SNTG2: variants seen among roughly 807,000 people sequenced by gnomAD.
SNTG2 encodes gamma-2-syntrophin.
In SNTG2, 74 loss-of-function variants were observed where a neutral mutation model predicts 70.9. That is an observed-to-expected ratio of 1.04 (90% CI 0.86 to 1.27). The LOEUF (loss-of-function observed/expected upper bound fraction) is 1.27, where lower values mean the gene tolerates loss of function less well. SNTG2 is among the 50% of genes most tolerant of loss of function. The pLI is 0.00. For missense variants in SNTG2, 717 were observed against 690.7 expected, an observed-to-expected ratio of 1.04 and a Z score of -0.43; for synonymous variants, 278 against 273.8, an observed-to-expected ratio of 1.02 and a Z score of -0.15.
intron 1 of SNTG2, among the ~76,000 whole-genome samples, chr2:969,842 T>G (rs1660682160): frequency 6.6e-6 from 1 of 152,230 alleles, no homozygotes; most frequent in African/African-American, 2.4e-5. Flanking sequence ...TTCCTATTTG[T>G]ATGCCTTTTA....
chr2:1,117,769 G>A (rs1409493699), intron 4 of SNTG2, among the ~76,000 whole-genome samples: 1 of 152,196 alleles, frequency 6.6e-6, no homozygotes, highest in Non-Finnish European at 1.5e-5. Flanking sequence ...GGCTGCGCTG[G>A]CATCTTGCCA....
intron 1 of SNTG2, among the ~76,000 whole-genome samples, chr2:980,930 C>G (rs1661077906): frequency 6.6e-6 from 1 of 152,096 alleles, no homozygotes; most frequent in African/African-American, 2.4e-5. Context: ...TCATGACAGC[C>G]CAATTACCTA....
At chr2:1,334,097 A>C (rs1456617591) in intron 16 of SNTG2, among the ~76,000 whole-genome samples, 1 of 152,196 alleles carries the variant, frequency 6.6e-6, no homozygotes, top group Non-Finnish European at 1.5e-5. Context: ...AACCAGAAAG[A>C]AGAAAACAAA....
intron 6 of SNTG2, among the ~76,000 whole-genome samples, chr2:1,154,461 T>C (rs1357230892): frequency 6.6e-6 from 1 of 152,154 alleles, no homozygotes; most frequent in Non-Finnish European, 1.5e-5. Context: ...AAGTTCTACA[T>C]ATATGTTGAA....
At chr2:1,247,858 T>TA (rs1238545860) in intron 12 of SNTG2, among the ~76,000 whole-genome samples, 6 of 152,142 alleles carry the variant, frequency 3.9e-5, no homozygotes, top group Non-Finnish European at 8.8e-5. Context: ...AAGTTTTATT[T>TA]AAAAAATAAG....
At chr2:1,301,857 C>A (rs1680468199) in intron 14 of SNTG2, among the ~76,000 whole-genome samples, 1 of 151,848 alleles carries the variant, frequency 6.6e-6, no homozygotes, top group Non-Finnish European at 1.5e-5. Flanking sequence ...AAACAGAAAT[C>A]AAATGATGAA....
chr2:1,298,451 A>G (rs1426411919), intron 14 of SNTG2, among the ~76,000 whole-genome samples: 1 of 152,188 alleles, frequency 6.6e-6, no homozygotes, highest in Non-Finnish European at 1.5e-5. Context: ...TTAATTTAAA[A>G]TAATTAATAT....
At chr2:1,330,348 A>T (rs936176592) in intron 16 of SNTG2, among the ~76,000 whole-genome samples, 2 of 152,208 alleles carry the variant, frequency 1.3e-5, no homozygotes, top group Non-Finnish European at 2.9e-5. Context: ...GGTCTAAAGA[A>T]TTTCCATGCT....
chr2:957,534 A>G (rs796377735), intron 1 of SNTG2, among the ~76,000 whole-genome samples: 5 of 152,284 alleles, frequency 3.3e-5, no homozygotes, highest in African/African-American at 9.6e-5. Context: ...GCTGGAAGCT[A>G]AAGATAAAAA....
chr2:1,307,791 C>T (rs998897615), intron 14 of SNTG2, among the ~76,000 whole-genome samples: 4 of 152,236 alleles, frequency 2.6e-5, no homozygotes, highest in African/African-American at 7.2e-5. Context: ...CAGGTGTTCA[C>T]GGGCTCCGCA....
At chr2:1,123,434 G>A (rs1334543008) in intron 4 of SNTG2, among the ~76,000 whole-genome samples, 3 of 152,116 alleles carry the variant, frequency 2.0e-5, no homozygotes, top group Admixed American at 1.3e-4. Context: ...TTGGACTAAG[G>A]GCATCAGGAG....
chr2:1,330,475 G>A (rs2148283245), intron 16 of SNTG2, among the ~76,000 whole-genome samples: 1 of 152,236 alleles, frequency 6.6e-6, no homozygotes, highest in Non-Finnish European at 1.5e-5. Context: ...GGAAAGCCTG[G>A]TGTTCCTTTT....
At chr2:957,074 A>G (rs1660189151) in intron 1 of SNTG2, among the ~76,000 whole-genome samples, 1 of 152,134 alleles carries the variant, frequency 6.6e-6, no homozygotes, top group South Asian at 2.1e-4. Context: ...AGTTTTCTTT[A>G]TGTACTGAGA....
intron 8 of SNTG2, among the ~76,000 whole-genome samples, chr2:1,202,818 A>G (rs911654449): frequency 5.9e-5 from 9 of 152,316 alleles, no homozygotes; most frequent in Middle Eastern, 3.4e-3. Flanking sequence ...TTCCCAAGAG[A>G]AACATTTTAT....
chr2:1,316,123 C>A, intron 15 of SNTG2, 142 bp from the exon 16 acceptor site: 1 of 574,244 alleles, frequency 1.7e-6, no homozygotes, highest in Non-Finnish European at 3.1e-6. Context: ...TAGAGACAGA[C>A]AAATCATCAC....
At chr2:1,283,104 G>A (rs1328516450) in intron 14 of SNTG2, among the ~76,000 whole-genome samples, 1 of 152,160 alleles carries the variant, frequency 6.6e-6, no homozygotes, top group Non-Finnish European at 1.5e-5. Context: ...GGTTTGCAGA[G>A]CCTGGCTGCA....
chr2:1,331,904 C>A (rs372880255), intron 16 of SNTG2, among the ~76,000 whole-genome samples: 14 of 152,154 alleles, frequency 9.2e-5, no homozygotes, highest in Non-Finnish European at 1.0e-4. Context: ...CATGCCCTGG[C>A]GCGGTTTCCA....
chr2:1,132,796 ACCCT>A (rs1292852698), intron 4 of SNTG2, among the ~76,000 whole-genome samples: 1 of 151,836 alleles, frequency 6.6e-6, no homozygotes, highest in African/African-American at 2.4e-5. Context: ...ACGCCCACTC[ACCCT>A]CCCTCCAGTT....
chr2:1,199,768 A>T (rs1673164019), intron 8 of SNTG2, among the ~76,000 whole-genome samples: 1 of 152,064 alleles, frequency 6.6e-6, no homozygotes, highest in Admixed American at 6.5e-5. Flanking sequence ...AATCCCTTTC[A>T]CAATAGCTAT....
Sources: gnomAD v4.1 joint callset for allele counts (sites outside exome capture counted in the v4.1 genomes callset) on GRCh38, gnomAD v4.1.1 for gene constraint, MANE v1.5 for transcripts, NCBI Gene and HGNC (gene_info 2026-07-23, HGNC 2026-07-21) for gene names.